The following SCCPDH variants were observed in gnomAD, a reference collection of about 807,000 sequenced individuals.
SCCPDH encodes the protein saccharopine dehydrogenase (putative), also known as saccharopine dehydrogenase-like oxidoreductase.
Under a neutral mutation model 51.5 loss-of-function variants are expected in SCCPDH, and 34 were observed. The ratio of observed to expected loss-of-function variants is 0.66; its 90% CI spans 0.50 to 0.88. The LOEUF is 0.88. Among genes scored for constraint, SCCPDH ranks in the 40% least tolerant of loss-of-function variants. The pLI, the probability that SCCPDH is intolerant of heterozygous loss-of-function variation, is 0.00. For missense variants in SCCPDH, 464 were observed against 527.1 expected (o/e 0.88, Z 1.17); for synonymous variants, 187 against 191.3 (o/e 0.98, Z 0.19).
chr1:246,748,186 G>T (rs1668791980), intron 5 of SCCPDH, among the ~76,000 whole-genome samples: 1 of 152,144 alleles, frequency 6.6e-6, no homozygotes, highest in South Asian at 2.1e-4. Flanking sequence ...TGCTGCATCT[G>T]TAAGTCTTTG....
chr1:246,729,962 A>G (rs1331713565), intron 2 of SCCPDH, among the ~76,000 whole-genome samples: 1 of 152,076 alleles, frequency 6.6e-6, no homozygotes, highest in Non-Finnish European at 1.5e-5. Flanking sequence ...TTACAATTAC[A>G]CATTATCTTG....
At chr1:246,758,182 A>T in intron 5 of SCCPDH, 44 bp from the exon 6 acceptor site, 2 of 1,457,516 alleles carry the variant, frequency 1.4e-6, no homozygotes, top group Non-Finnish European at 1.9e-6. Context: ...ACATTTTAGT[A>T]ACTACCCTTT....
chr1:246,752,788 C>T (rs561960355), intron 5 of SCCPDH, among the ~76,000 whole-genome samples: 2 of 152,046 alleles, frequency 1.3e-5, no homozygotes, highest in South Asian at 2.1e-4. Context: ...AGTACTAAAT[C>T]TCTCTCTGAT....
chr1:246,756,197 G>A (rs1184900963), intron 5 of SCCPDH, among the ~76,000 whole-genome samples: 1 of 152,192 alleles, frequency 6.6e-6, no homozygotes, highest in Non-Finnish European at 1.5e-5. Context: ...TCACAATTTT[G>A]AGCATAAGAA....
intron 2 of SCCPDH, among the ~76,000 whole-genome samples, chr1:246,729,631 T>C (rs1462919998): frequency 1.3e-5 from 2 of 150,184 alleles, no homozygotes; most frequent in African/African-American, 2.5e-5. Flanking sequence ...AAGACACATG[T>C]TTTACAGTTT....
intron 5 of SCCPDH, among the ~76,000 whole-genome samples, chr1:246,751,326 C>A (rs1230775832): frequency 6.6e-6 from 1 of 152,162 alleles, no homozygotes; most frequent in African/African-American, 2.4e-5. Flanking sequence ...CAGGTTAGTA[C>A]TTTAAGAAAA....
At chr1:246,751,362 C>A (rs1281833858) in intron 5 of SCCPDH, among the ~76,000 whole-genome samples, 1 of 152,138 alleles carries the variant, frequency 6.6e-6, no homozygotes, top group Non-Finnish European at 1.5e-5. Context: ...ATTTTAATGT[C>A]CAGTTTACAG....
chr1:246,767,025 T>C (rs1669095718), intron 11 of SCCPDH, among the ~76,000 whole-genome samples, 170 bp from the exon 12 acceptor site: 1 of 152,228 alleles, frequency 6.6e-6, no homozygotes, highest in Admixed American at 6.5e-5. Flanking sequence ...TTCTCCTGAC[T>C]AATAGCTACT....
chr1:246,764,934 T>C (rs1330467909), intron 10 of SCCPDH, among the ~76,000 whole-genome samples: 1 of 151,540 alleles, frequency 6.6e-6, no homozygotes, highest in African/African-American at 2.4e-5. Context: ...AACTGTGGTA[T>C]AATTACTGTC....
intron 5 of SCCPDH, among the ~76,000 whole-genome samples, chr1:246,751,621 A>C (rs548995556): frequency 3.3e-5 from 5 of 152,126 alleles, no homozygotes; most frequent in African/African-American, 7.2e-5. Flanking sequence ...TTCTTGCATA[A>C]ATTCCCTTTT....
intron 5 of SCCPDH, among the ~76,000 whole-genome samples, chr1:246,752,371 G>A (rs1241498559): frequency 6.6e-6 from 1 of 152,156 alleles, no homozygotes; most frequent in Non-Finnish European, 1.5e-5. Flanking sequence ...AAGCAGGCCA[G>A]TTGTACAGCT....
Position 246,758,333 on chromosome 1 carries a change from C to CA in SCCPDH, c.673dup (p.Ile225AsnfsTer28). On this transcript the variant is annotated frameshift_variant, in exon 6 of 12. Coordinates refer to ENST00000366510, the MANE Select transcript of SCCPDH (RefSeq NM_016002.3). LOFTEE classifies it high-confidence loss of function. Reference sequence around the variant, plus strand: ...TATCAAATCTGAAACCTGTCCCGCTCATTGGTCCAAAATTGAAGAGAAGGT... The same window carrying CA: ...TATCAAATCTGAAACCTGTCCCGCTCAATTGGTCCAAAATTGAAGAGAAGGT... 6.2e-7 allele frequency: 1 copy of CA among 1,606,132 alleles called. No homozygotes were observed. The highest frequency in any genetic ancestry group is 8.5e-7 in the Non-Finnish European group (1 of 1,176,690).
intron 5 of SCCPDH, among the ~76,000 whole-genome samples, chr1:246,749,436 A>C (rs556651136): frequency 2.6e-5 from 4 of 152,286 alleles, no homozygotes; most frequent in Admixed American, 2.6e-4. Flanking sequence ...AAGGGGGTGC[A>C]GGATGTGAGG....
At chr1:246,727,290 C>T (rs966790739) in intron 2 of SCCPDH, among the ~76,000 whole-genome samples, 13 of 152,014 alleles carry the variant, frequency 8.6e-5, no homozygotes, top group South Asian at 8.3e-4. Context: ...TATACCCCTT[C>T]GGTAAAAAAT....
At chr1:246,733,491 T>TACACACACACACACACAC (rs57989437) in intron 2 of SCCPDH, among the ~76,000 whole-genome samples, 7 of 148,870 alleles carry the variant, frequency 4.7e-5, no homozygotes, top group African/African-American at 1.7e-4. Flanking sequence ...TCATATTTTA[T>TACACACACACACACACAC]ACACACACAC....
intron 4 of SCCPDH, among the ~76,000 whole-genome samples, chr1:246,742,065 A>AAATG (rs768134626): frequency 8.7e-5 from 13 of 149,956 alleles, no homozygotes; most frequent in East Asian, 3.9e-4. Context: ...ACTCCGTCTC[A>AAATG]AATGAATGAA....
chr1:246,762,735 G>C (rs1207709963), intron 9 of SCCPDH, among the ~76,000 whole-genome samples: 2 of 151,552 alleles, frequency 1.3e-5, no homozygotes, highest in African/African-American at 4.9e-5. Flanking sequence ...CAGCTACTCA[G>C]GAGGCTGAGG....
At chr1:246,744,611 A>G (rs1668731524) in intron 5 of SCCPDH, among the ~76,000 whole-genome samples, 1 of 150,990 alleles carries the variant, frequency 6.6e-6, no homozygotes, top group African/African-American at 2.4e-5. Flanking sequence ...GTAAGCCACC[A>G]TGCCTGGCTA....
intron 1 of SCCPDH, among the ~76,000 whole-genome samples, chr1:246,726,298 C>T (rs1292700731): frequency 2.6e-5 from 4 of 151,508 alleles, no homozygotes; most frequent in East Asian, 3.9e-4. Context: ...AGTACAGTGG[C>T]GTGATCACAG....
Sources: allele counts gnomAD v4.1 joint callset (sites outside exome capture counted in the v4.1 genomes callset), GRCh38; gene constraint gnomAD v4.1.1; transcripts MANE v1.5; gene names NCBI Gene and HGNC (gene_info 2026-07-23, HGNC 2026-07-21).